SLC39A8: variants seen among roughly 807,000 people sequenced by gnomAD.
SLC39A8 encodes the protein solute carrier family 39 member 8.
SLC39A8 carries 15 observed loss-of-function variants against 40.4 expected under a neutral mutation model. That is an observed-to-expected ratio of 0.37 (90% CI 0.25 to 0.57). The LOEUF is 0.57. SLC39A8 is among the 20% of genes least tolerant of loss of function. The probability of loss-of-function intolerance (pLI) is 0.75; values close to 1 mark genes in which losing one functional copy is unlikely to be tolerated. For missense variants in SLC39A8, 472 were observed against 558.8 expected (o/e 0.84, Z 1.57); for synonymous variants, 223 against 221.6 (o/e 1.01, Z -0.06).
At chr4:102,312,141 C>T (rs1018175063) in intron 3 of SLC39A8, among the ~76,000 whole-genome samples, 2 of 151,936 alleles carry the variant, frequency 1.3e-5, no homozygotes, top group Non-Finnish European at 2.9e-5. Context: ...CATACAGCTG[C>T]ACTAAAATAA....
chr4:102,255,559 T>A (rs560147165), intron 11 of SLC39A8, among the ~76,000 whole-genome samples: 1 of 152,274 alleles, frequency 6.6e-6, no homozygotes, highest in South Asian at 2.1e-4. Flanking sequence ...TAGAAGTTTC[T>A]GTGTAAAGAT....
chr4:102,272,257 C>A (rs1732394793), intron 6 of SLC39A8, among the ~76,000 whole-genome samples: 4 of 151,996 alleles, frequency 2.6e-5, no homozygotes, highest in Admixed American at 2.0e-4. Flanking sequence ...CATGGTGAAA[C>A]CCCGTCTCTA....
chr4:102,271,590 G>A (rs1044262024), intron 6 of SLC39A8, among the ~76,000 whole-genome samples: 12 of 152,178 alleles, frequency 7.9e-5, no homozygotes, highest in African/African-American at 2.9e-4. Context: ...CTGTCCAACA[G>A]GGCAAGAGGA....
chr4:102,331,152 A>G (rs1278517299), intron 2 of SLC39A8, among the ~76,000 whole-genome samples: 1 of 152,212 alleles, frequency 6.6e-6, no homozygotes, highest in Non-Finnish European at 1.5e-5. Context: ...CCTATTCAAC[A>G]TAGTACTGGA....
intron 5 of SLC39A8, 92 bp from the exon 6 acceptor site, chr4:102,304,573 G>T: frequency 9.7e-7 from 1 of 1,034,312 alleles, no homozygotes. Flanking sequence ...TTATTTATAA[G>T]AGGAAAATTG....
intron 6 of SLC39A8, among the ~76,000 whole-genome samples, chr4:102,293,530 C>T (rs1052819195): frequency 5.3e-5 from 8 of 151,860 alleles, no homozygotes; most frequent in African/African-American, 1.2e-4. Context: ...TACTGCAGGA[C>T]GCAAAACCAG....
rs1736099895 is a variant in SLC39A8, at chr4:102,344,803, T to A, written c.-141A>T. On this transcript the variant is annotated 5_prime_UTR_variant, in exon 2 of 9. Coordinates refer to ENST00000356736, the MANE Select transcript of SLC39A8 (RefSeq NM_001135146.2). ...AGTCAGAGGTGGCGCGGGACGCCCC[T>A]GGTTCTCCGACGCCTTCGAAAGAAC... 2.3e-6 allele frequency: 3 copies of A among 1,322,266 alleles called. No homozygotes were observed. The allele number at this position is 1,322,266 out of a possible 1,614,324, so 81.9% of individuals were successfully genotyped here.
intron 8 of SLC39A8, among the ~76,000 whole-genome samples, chr4:102,265,475 A>T (rs1732060156): frequency 6.7e-6 from 1 of 149,612 alleles, no homozygotes; most frequent in East Asian, 1.9e-4. Flanking sequence ...AAAAGGTTTG[A>T]AATCGTTTAA....
intron 3 of SLC39A8, among the ~76,000 whole-genome samples, chr4:102,313,868 A>C (rs1418917909): frequency 6.6e-6 from 1 of 151,946 alleles, no homozygotes; most frequent in African/African-American, 2.4e-5. Context: ...GATTACAGGG[A>C]TGAGTCACCG....
At chr4:102,283,114 G>A (rs1351303153) in intron 6 of SLC39A8, among the ~76,000 whole-genome samples, 1 of 152,088 alleles carries the variant, frequency 6.6e-6, no homozygotes, top group Non-Finnish European at 1.5e-5. Flanking sequence ...GGAAAGGGAG[G>A]GCATAAAAGT....
chr4:102,302,511 T>A (rs962346853), intron 6 of SLC39A8, among the ~76,000 whole-genome samples: 1 of 152,072 alleles, frequency 6.6e-6, no homozygotes, highest in African/African-American at 2.4e-5. Flanking sequence ...GAAAGCAATA[T>A]CCTTGGGTCA....
intron 6 of SLC39A8, among the ~76,000 whole-genome samples, chr4:102,285,359 A>T (rs1733118956): frequency 7.8e-6 from 1 of 128,426 alleles, no homozygotes; most frequent in African/African-American, 2.7e-5. Flanking sequence ...AGAGCCTTAG[A>T]ATGGGACTGA....
chr4:102,311,753 G>A (rs1734435759), intron 3 of SLC39A8, among the ~76,000 whole-genome samples: 1 of 151,998 alleles, frequency 6.6e-6, no homozygotes, highest in South Asian at 2.1e-4. Flanking sequence ...TGAGGCCTCT[G>A]AGAAATTTTA....
At chr4:102,282,893 A>G (rs1732965074) in intron 6 of SLC39A8, among the ~76,000 whole-genome samples, 1 of 151,866 alleles carries the variant, frequency 6.6e-6, no homozygotes, top group Non-Finnish European at 1.5e-5. Flanking sequence ...TGCCTGGCTA[A>G]TTTTTTGTAT....
chr4:102,280,254 C>T (rs982550934), intron 6 of SLC39A8, among the ~76,000 whole-genome samples: 1 of 152,130 alleles, frequency 6.6e-6, no homozygotes, highest in Non-Finnish European at 1.5e-5. Context: ...TGTTACTAGC[C>T]TCAGGTTACT....
At chr4:102,290,563 A>C (rs1442517553) in intron 6 of SLC39A8, among the ~76,000 whole-genome samples, 4 of 152,094 alleles carry the variant, frequency 2.6e-5, no homozygotes, top group African/African-American at 9.7e-5. Flanking sequence ...CCTTGTCTAC[A>C]ACAGTGTGTG....
chr4:102,290,635 T>C (rs1437351330), intron 6 of SLC39A8, among the ~76,000 whole-genome samples: 1 of 151,870 alleles, frequency 6.6e-6, no homozygotes, highest in Admixed American at 6.6e-5. Flanking sequence ...GTTGAGTTTG[T>C]AGGTGTGAAG....
intron 6 of SLC39A8, among the ~76,000 whole-genome samples, chr4:102,303,696 A>G (rs899460371): frequency 8.6e-5 from 13 of 151,780 alleles, no homozygotes; most frequent in African/African-American, 2.9e-4. Flanking sequence ...TTGTGCATAT[A>G]TAATTTTGTT....
chr4:102,276,241 A>G (rs2149011733), intron 6 of SLC39A8, among the ~76,000 whole-genome samples: 1 of 152,322 alleles, frequency 6.6e-6, no homozygotes, highest in East Asian at 1.9e-4. Flanking sequence ...ACTGCTAGCC[A>G]GACTAATAAA....
Sources: allele counts gnomAD v4.1 joint callset (sites outside exome capture counted in the v4.1 genomes callset), GRCh38; gene constraint gnomAD v4.1.1; transcripts MANE v1.5; gene names NCBI Gene and HGNC (gene_info 2026-07-23, HGNC 2026-07-21).